The following TTC28 variants were observed in gnomAD, a reference collection of about 807,000 sequenced individuals.
TTC28 encodes tetratricopeptide repeat protein 28.
In TTC28, 61 loss-of-function variants were observed where a neutral mutation model predicts 198.0. The ratio of observed to expected loss-of-function variants is 0.31; its 90% CI spans 0.25 to 0.38. TTC28 has a LOEUF of 0.38. Ranked by LOEUF, TTC28 falls within the 10% of genes least tolerant of loss-of-function variation. TTC28 has a pLI of 1.00. For missense variants in TTC28, 2,678 were observed against 3,164.0 expected, an observed-to-expected ratio of 0.85 and a Z score of 3.69; for synonymous variants, 1,171 against 1,297.8, an observed-to-expected ratio of 0.90 and a Z score of 2.10.
At position 28,271,058 on chromosome 22, in the gene TTC28, C is replaced by G. The variant is rs182864199; in HGVS notation, c.933+25140G>C. ...ACTGATAAGATTACGACTATCCAAG[C>G]ATTCTTAAGGTAAATTGCAAAAATC... On this transcript the variant is annotated intron_variant, in intron 5 of 22. Coordinates refer to ENST00000397906, the MANE Select transcript of TTC28 (RefSeq NM_001145418.2). 5.3e-5 allele frequency among the ~76,000 whole-genome samples: 8 copies of G among 151,926 alleles called. No homozygotes were observed. The East Asian group carries it at 1.5e-3, about 29-fold the overall frequency.
intron 5 of TTC28, among the ~76,000 whole-genome samples, chr22:28,186,046 T>C (rs1167596604): frequency 6.6e-6 from 1 of 152,176 alleles, no homozygotes; most frequent in Non-Finnish European, 1.5e-5. Context: ...TAGAATAGCT[T>C]AGCAAGCAAA....
intron 2 of TTC28, among the ~76,000 whole-genome samples, chr22:28,524,393 G>A (rs2048968487): frequency 6.6e-6 from 1 of 150,972 alleles, no homozygotes; most frequent in South Asian, 2.1e-4. Flanking sequence ...CCAGGAGGCG[G>A]AGCTTGCAGT....
chr22:28,403,543 C>G (rs1050203862), intron 2 of TTC28, among the ~76,000 whole-genome samples: 6 of 152,064 alleles, frequency 3.9e-5, no homozygotes, highest in Admixed American at 6.6e-5. Flanking sequence ...ATACAGATAC[C>G]ACCCTTAGCC....
rs117914137 is a variant in TTC28 at position 28,596,015 on chromosome 22, C to T, written c.381+33537G>A. ...AAGCTCCCGACTCTCATGGAGCCTG[C>T]ATTCTACAAAGGAAAGGCAGATGAC... On this transcript the variant is annotated intron_variant, in intron 2 of 22. Transcript: ENST00000397906. Among the ~76,000 whole-genome samples the T allele has an allele frequency of 8.6e-3, 1,310 of 152,200 alleles. 10 individuals carry two copies. Among genetic ancestry groups the T allele is most frequent in the Non-Finnish European group, 0.015 (1,031 of 68,008 alleles).
chr22:28,269,468 TAAC>T (rs1315644806), intron 5 of TTC28, among the ~76,000 whole-genome samples: 3 of 152,224 alleles, frequency 2.0e-5, no homozygotes, highest in Non-Finnish European at 2.9e-5. Flanking sequence ...TAGCAACATT[TAAC>T]AACACTGTCT....
At chr22:28,044,060 G>C (rs1375195777) in intron 12 of TTC28, among the ~76,000 whole-genome samples, 1 of 152,180 alleles carries the variant, frequency 6.6e-6, no homozygotes, top group Admixed American at 6.5e-5. Flanking sequence ...AGCAGTGGGG[G>C]CCCTTCCAGC....
chr22:28,629,482 A>G, intron 2 of TTC28, 70 bp downstream of exon 2: 1 of 1,403,130 alleles, frequency 7.1e-7, no homozygotes, highest in Non-Finnish European at 9.4e-7. Flanking sequence ...TCAACAAAAT[A>G]TTACATTAAA....
intron 12 of TTC28, among the ~76,000 whole-genome samples, chr22:28,039,765 CA>C (rs74206930): frequency 0.05 from 7,653 of 152,030 alleles, 339 homozygotes; most frequent in South Asian, 0.2. Context: ...GACAGAGACA[CA>C]AAAAACCCTT....
At chr22:28,388,018 T>G (rs905836273) in intron 2 of TTC28, among the ~76,000 whole-genome samples, 1 of 152,226 alleles carries the variant, frequency 6.6e-6, no homozygotes, top group Non-Finnish European at 1.5e-5. Context: ...AATTGATTTT[T>G]GTATAAGGTG....
chr22:28,498,562 C>T (rs1007299865), intron 2 of TTC28, among the ~76,000 whole-genome samples: 2 of 152,138 alleles, frequency 1.3e-5, no homozygotes, highest in East Asian at 1.9e-4. Flanking sequence ...TGAAATGATA[C>T]TCAATGTTCA....
At chr22:28,183,449 C>G (rs541730902) in intron 5 of TTC28, among the ~76,000 whole-genome samples, 13 of 152,238 alleles carry the variant, frequency 8.5e-5, no homozygotes, top group Admixed American at 1.3e-4. Context: ...AAGGCAGGAC[C>G]AGAGCCAGGT....
intron 2 of TTC28, among the ~76,000 whole-genome samples, chr22:28,513,594 C>A (rs2048726444): frequency 1.3e-5 from 2 of 152,052 alleles, no homozygotes; most frequent in Non-Finnish European, 2.9e-5. Context: ...TAGAATGATA[C>A]CTGTCTCTAA....
intron 2 of TTC28, among the ~76,000 whole-genome samples, chr22:28,558,735 G>C (rs2049823966): frequency 6.7e-6 from 1 of 149,406 alleles, no homozygotes; most frequent in Non-Finnish European, 1.5e-5. Flanking sequence ...TTATCCTAAA[G>C]AATTTCCATT....
rs186437136 is a variant in TTC28, at chr22:28,673,156, C to G, written c.102+6466G>C. On this transcript the variant is annotated intron_variant, in intron 1 of 22. Transcript: ENST00000397906. ...TTGGGAGGCTGAGGCGGGCGGATCA[C>G]GAGGTCAGGAGATCGAGACCATCCT... Among the ~76,000 whole-genome samples, 4 of 152,196 alleles carry G rather than the reference C, an allele frequency of 2.6e-5. No homozygotes were observed. In the East Asian group the frequency reaches 5.8e-4, roughly 22 times the overall value.
intron 12 of TTC28, among the ~76,000 whole-genome samples, chr22:28,068,674 T>C (rs1416207325): frequency 6.6e-6 from 1 of 152,186 alleles, no homozygotes; most frequent in African/African-American, 2.4e-5. Flanking sequence ...GTTCAGGGAA[T>C]TGTATGTAAG....
chr22:28,136,746 C>A (rs1943208075), intron 6 of TTC28, among the ~76,000 whole-genome samples: 1 of 152,168 alleles, frequency 6.6e-6, no homozygotes, highest in Non-Finnish European at 1.5e-5. Flanking sequence ...GTTCACTTTG[C>A]ATGCCCAAGG....
intron 22 of TTC28, among the ~76,000 whole-genome samples, chr22:27,984,062 G>A (rs1475717444): frequency 2.0e-5 from 3 of 152,122 alleles, no homozygotes; most frequent in African/African-American, 7.2e-5. Context: ...AGAGCTCACA[G>A]CCACACCCAC....
chr22:27,983,125 T>TGAAGACGCTCCACC lies in TTC28; in HGVS notation c.6528_6541dup (p.Gln2181ArgfsTer12). ...CTTGCTCACCTGGCCGCCGCTCCTC[T>TGAAGACGCTCCACC]GAAGACGCTCCACCGCAATGAGATG... On this transcript the variant is annotated frameshift_variant, in exon 23 of 23. Transcript: ENST00000397906. LOFTEE classifies it low-confidence loss of function (END_TRUNC). 1 of 1,551,796 alleles carries TGAAGACGCTCCACC rather than the reference T, an allele frequency of 6.4e-7. No homozygotes were observed. The highest frequency in any genetic ancestry group is 8.7e-7 in the Non-Finnish European group (1 of 1,147,030).
At chr22:28,327,094 T>C (rs1438961385) in intron 2 of TTC28, among the ~76,000 whole-genome samples, 1 of 151,966 alleles carries the variant, frequency 6.6e-6, no homozygotes, top group East Asian at 1.9e-4. Flanking sequence ...AAAAACACTG[T>C]GGAAGAAGAG....
Sources: gnomAD v4.1 joint callset for allele counts (sites outside exome capture counted in the v4.1 genomes callset) on GRCh38, gnomAD v4.1.1 for gene constraint, MANE v1.5 for transcripts, NCBI Gene and HGNC (gene_info 2026-07-23, HGNC 2026-07-21) for gene names.